POLRMT: variants seen among roughly 807,000 people sequenced by gnomAD.
The protein encoded by POLRMT is DNA-directed RNA polymerase, mitochondrial.
A neutral mutation model predicts 132.2 loss-of-function variants in POLRMT; 114 were observed. That is an observed-to-expected ratio of 0.86 (90% CI 0.74 to 1.01). The LOEUF (loss-of-function observed/expected upper bound fraction) is 1.01, where lower values mean the gene tolerates loss of function less well. Ranked by LOEUF, POLRMT falls within the 50% of genes least tolerant of loss-of-function variation. POLRMT has a pLI of 0.00. For missense variants in POLRMT, 2,003 were observed against 1,729.1 expected (o/e 1.16, Z -2.81); for synonymous variants, 1,020 against 773.4 (o/e 1.32, Z -5.29).
rs1428134848 is a variant in POLRMT, at chr19:622,067, T to C, written c.1851+82A>G. The C allele has an allele frequency of 2.3e-6, 3 of 1,328,662 alleles. No individual in the cohort carries two copies. In the African/African-American group the frequency reaches 4.4e-5, roughly 20 times the overall value. 82.3% of individuals were successfully genotyped at this position (1,328,662 alleles called of 1,614,324 possible). ...CTGACGGCTGCGCTGAGATCAAGGC[T>C]CCGCCCAAAGGCGCCAACCCCATGG... On this transcript the variant is annotated intron_variant, in intron 9 of 20. Coordinates refer to ENST00000588649, the MANE Select transcript of POLRMT (RefSeq NM_005035.4).
At chr19:631,338 A>AAAG (rs764803872) in intron 2 of POLRMT, among the ~76,000 whole-genome samples, 2 of 113,360 alleles carry the variant, frequency 1.8e-5, no homozygotes, top group African/African-American at 3.4e-5. Flanking sequence ...AAAAAAAAAA[A>AAAG]GGGGGGGGGG....
At position 632,944 on chromosome 19, in the gene POLRMT, G is replaced by T; in HGVS notation, c.89-6C>A. Reference sequence around the variant, plus strand: ...GCAGACGCCACCGGCGGTCCCTGCGGGAAAGACGAGAGCGGCTGAGCGGGG... The same window carrying T: ...GCAGACGCCACCGGCGGTCCCTGCGTGAAAGACGAGAGCGGCTGAGCGGGG... On this transcript the variant is annotated splice_region_variant and splice_polypyrimidine_tract_variant and intron_variant, in intron 1 of 20. Coordinates refer to ENST00000588649, the MANE Select transcript of POLRMT (RefSeq NM_005035.4). 6.7e-7 allele frequency: 1 copy of T among 1,496,788 alleles called. No individual in the cohort carries two copies. 92.7% of individuals were successfully genotyped at this position (1,496,788 alleles called of 1,614,324 possible).
chr19:619,201 A>G lies in POLRMT; in HGVS notation c.3153+9T>C. 3 of 1,611,458 alleles carry G rather than the reference A, an allele frequency of 1.9e-6. No homozygotes were observed. The highest frequency in any genetic ancestry group is 2.2e-5 in the East Asian group (1 of 44,830). On this transcript the variant is annotated intron_variant, in intron 14 of 20. Coordinates refer to ENST00000588649, the MANE Select transcript of POLRMT (RefSeq NM_005035.4). ...AGTCCTGGCCGAGCGGGGACAGGAC[A>G]GGACGTACCTGGATGGCCCGGGTCC...
intron 11 of POLRMT, 84 bp from the exon 12 acceptor site, chr19:620,164 T>G (rs1485265204): frequency 3.9e-5 from 59 of 1,509,960 alleles, no homozygotes; most frequent in Non-Finnish European, 5.2e-5. Flanking sequence ...GGTCGAGCCG[T>G]TCCTAGGGCC....
rs1275994539 is a variant in POLRMT, at chr19:620,441, G to A, written c.2687C>T (p.Ala896Val). The A allele has an allele frequency of 3.8e-6, 6 of 1,598,910 alleles. No homozygotes were observed. The highest frequency in any genetic ancestry group is 2.3e-5 in the South Asian group (2 of 88,840). ...AGCGTTCGCCACCTCCATACAGCAG[G>A]CCAGCGTCTGCCAGGGTTCCTCCGC... ...MGAEEPWQTLACCMEVANAVR... is the reference protein window; with the variant it reads ...MGAEEPWQTLVCCMEVANAVR... Residue 896 changes from alanine to valine, a missense_variant, in exon 11 of 21, where the codon GCC becomes GTC. Ala to Val is a moderately conservative substitution (Grantham distance 64). Coordinates refer to ENST00000588649, the MANE Select transcript of POLRMT (RefSeq NM_005035.4).
intron 10 of POLRMT, 60 bp downstream of exon 10, chr19:620,998 G>T (rs542900521): frequency 3.9e-6 from 5 of 1,292,938 alleles, no homozygotes; most frequent in Non-Finnish European, 2.0e-6. Context: ...GGGCGCGGGG[G>T]CGCCGGGGGA....
chr19:624,975 C>T, intron 4 of POLRMT, 70 bp from the exon 5 acceptor site: 1 of 1,541,934 alleles, frequency 6.5e-7, no homozygotes, highest in South Asian at 1.2e-5. Context: ...CCCAGGGGAA[C>T]CTCGTGACCA....
chr19:626,110 A>C (rs1352356498), intron 3 of POLRMT, among the ~76,000 whole-genome samples: 1 of 151,868 alleles, frequency 6.6e-6, no homozygotes, highest in African/African-American at 2.4e-5. Flanking sequence ...CATTATCTCC[A>C]AGTGTTTTCG....
Position 629,753 on chromosome 19 carries a change from G to A in POLRMT, c.609C>T (p.Ser203=). The A allele has an allele frequency of 1.3e-6, 2 of 1,570,432 alleles. No individual in the cohort carries two copies. The highest frequency in any genetic ancestry group is 2.3e-5 in the South Asian group (2 of 85,736). Residue 203 remains serine, a synonymous_variant, in exon 3 of 21, where the codon AGC becomes AGT. Coordinates refer to ENST00000588649, the MANE Select transcript of POLRMT (RefSeq NM_005035.4). ...CCGACGGGGCCTGCTCCACATCGAGGCTCAGCTTCCCAGGGGCCTCCTGCA... is the reference window on the plus strand; with the variant it reads ...CCGACGGGGCCTGCTCCACATCGAGACTCAGCTTCCCAGGGGCCTCCTGCA... ...RLLQEAPGKL[S]LDVEQAPSGQ...
In POLRMT at chr19:622,599, G is replaced by A. The variant is rs765780216; in HGVS notation, c.1609C>T (p.Leu537=). Reference sequence around the variant, plus strand: ...AGCCTCACCTCGGCGTCGGAGGCCAGCAAGCAGAGGTACTTCCTGTAGTGG... The same window carrying A: ...AGCCTCACCTCGGCGTCGGAGGCCAACAAGCAGAGGTACTTCCTGTAGTGG... ...QNHYRKYLCL[L]ASDAEVPEPC... is the part of the protein sequence containing the mutation. The change falls in exon 8 of 21, where the codon CTG becomes TTG. Residue 537 remains leucine (L), a synonymous_variant. Transcript: ENST00000588649. The A allele has an allele frequency of 2.5e-6, 4 of 1,603,600 alleles. No individual in the cohort carries two copies. In the South Asian group the frequency reaches 3.3e-5, roughly 13 times the overall value.
In POLRMT at chr19:624,626, A is replaced by C. The variant is rs1023945464; in HGVS notation, c.1140+93T>G. 18 of 1,380,774 alleles carry C rather than the reference A, an allele frequency of 1.3e-5. No homozygotes were observed. The African/African-American group carries it at 2.5e-4, about 19-fold the overall frequency. The allele number at this position is 1,380,774 out of a possible 1,614,324, so 85.5% of individuals were successfully genotyped here. ...GGCCCAGCCCAGGTGAGCCCTGGGC[A>C]CCGGGGAGGCCCATTGGTCTGAGCT... On this transcript the variant is annotated intron_variant, in intron 5 of 20. Transcript: ENST00000588649.
At chr19:629,467 G>A in intron 3 of POLRMT, 73 bp downstream of exon 3, 6 of 1,371,638 alleles carry the variant, frequency 4.4e-6, no homozygotes, top group African/African-American at 1.5e-5. Context: ...AGAGAGAAAA[G>A]TCCAGTCTAA....
intron 11 of POLRMT, 135 bp downstream of exon 11, chr19:620,230 G>A (rs957916296): frequency 7.6e-6 from 11 of 1,453,292 alleles, no homozygotes; most frequent in South Asian, 4.1e-5. Context: ...GAGAGACCAG[G>A]AGCCATGGCT....
At position 627,588 on chromosome 19, in the gene POLRMT, G is replaced by A. The variant is rs959422038; in HGVS notation, c.822+1952C>T. ...AGCACACACAGCTGTTGGCAGATGC[G>A]GAAAATTCCCAACATCATAGAAAGT... On this transcript the variant is annotated intron_variant, in intron 3 of 20. Coordinates refer to ENST00000588649, the MANE Select transcript of POLRMT (RefSeq NM_005035.4). Among the ~76,000 whole-genome samples, 5 of 152,026 alleles carry A rather than the reference G, an allele frequency of 3.3e-5. 1 individual carries two copies. Among genetic ancestry groups the A allele is most frequent in the Admixed American group, 1.3e-4 (2 of 15,266 alleles).
rs1382909219 is a variant in POLRMT, at chr19:625,035, T to TCCCCAGC, written c.953+82_953+88dup. 103 of 1,519,908 alleles carry TCCCCAGC rather than the reference T, an allele frequency of 6.8e-5. No homozygotes were observed. In the African/African-American group the frequency reaches 1.3e-3, roughly 20 times the overall value. The allele number at this position is 1,519,908 out of a possible 1,614,324, so 94.2% of individuals were successfully genotyped here. On this transcript the variant is annotated intron_variant, in intron 4 of 20. Coordinates refer to ENST00000588649, the MANE Select transcript of POLRMT (RefSeq NM_005035.4). ...GTGTGGCTGTCAGGCCCTCTGGGGG[T>TCCCCAGC]CCCCAGCCCCCAGCCCAGGCACCGT...
intron 17 of POLRMT, chr19:618,275 G>C (rs942297997): frequency 1.1e-5 from 6 of 568,822 alleles, no homozygotes; most frequent in South Asian, 2.3e-5. Flanking sequence ...CCCATGCTCG[G>C]CTCTCCCTGT....
rs2144558062 is a variant in POLRMT, at chr19:617,574, A to T, written c.3577T>A (p.Ser1193Thr). ...LSRFLVKRFC[S>T]EPQKILEASQ... Reference sequence around the variant, plus strand: ...TGGGGTCAGGGAGCGCCTTACTCAGAGCAGAACCGCTTGACCAGGAATCTG... The same window carrying T: ...TGGGGTCAGGGAGCGCCTTACTCAGTGCAGAACCGCTTGACCAGGAATCTG... The change falls in exon 19 of 21, where the codon TCT (serine) becomes ACT (threonine). Residue 1193 changes from serine (S) to threonine (T), a missense_variant. Ser to Thr is a moderately conservative substitution (Grantham distance 58). Coordinates refer to ENST00000588649, the MANE Select transcript of POLRMT (RefSeq NM_005035.4). The T allele has an allele frequency of 6.2e-7, 1 of 1,611,822 alleles. No individual in the cohort carries two copies. Among genetic ancestry groups the T allele is most frequent in the Non-Finnish European group, 8.5e-7 (1 of 1,179,972 alleles).
Position 617,477 on chromosome 19 carries a change from G to A in POLRMT, c.3585C>T (p.Pro1195=), listed in dbSNP as rs1402199338. ...GCTGGCTGGCCTCCAAGATCTTCTG[G>A]GGCCTGGGGTTGGAAGCAGGGTGGG... is the stretch of plus-strand genomic sequence containing the variant. ...RFLVKRFCSE[P]QKILEASQLK... is the part of the protein sequence containing the mutation. The change falls in exon 20 of 21, where the codon CCC becomes CCT. Residue 1195 remains proline, a synonymous_variant. Coordinates refer to ENST00000588649, the MANE Select transcript of POLRMT (RefSeq NM_005035.4). 8.7e-6 allele frequency: 14 copies of A among 1,611,574 alleles called. No individual in the cohort carries two copies. The highest frequency in any genetic ancestry group is 1.3e-5 in the African/African-American group (1 of 74,876).
rs769327958 is a variant in POLRMT at position 617,802 on chromosome 19, G to T, written c.3470C>A (p.Ala1157Glu). The change falls in exon 18 of 21, where the codon GCA becomes GAA. Residue 1157 changes from alanine to glutamate, a missense_variant. Coordinates refer to ENST00000588649, the MANE Select transcript of POLRMT (RefSeq NM_005035.4). ...VSVHDCYWTH[A>E]ADVSVMNQVC... ...CTGGTTCATGACGGAGACATCAGCT[G>T]CGTGAGTCCAGTAACAGTCGTGCAC... The T allele has an allele frequency of 2.8e-5, 45 of 1,613,250 alleles. No homozygotes were observed. Among genetic ancestry groups the T allele is most frequent in the Non-Finnish European group, 3.8e-5 (45 of 1,179,928 alleles).
Sources: allele counts gnomAD v4.1 joint callset (sites outside exome capture counted in the v4.1 genomes callset), GRCh38; gene constraint gnomAD v4.1.1; transcripts MANE v1.5; gene names NCBI Gene and HGNC (gene_info 2026-07-23, HGNC 2026-07-21).